The following PPIE variants were observed in gnomAD, a reference collection of about 807,000 sequenced individuals.
PPIE encodes the protein peptidyl-prolyl cis-trans isomerase E.
A neutral mutation model predicts 38.4 loss-of-function variants in PPIE; 20 were observed. That is an observed-to-expected ratio of 0.52 (90% CI 0.37 to 0.76). PPIE has a LOEUF of 0.76. PPIE is among the 30% of genes least tolerant of loss of function. PPIE has a pLI of 0.00. For synonymous variants in PPIE, 142 were observed against 135.7 expected (o/e 1.05, Z -0.32); for missense variants, 322 against 385.8 (o/e 0.83, Z 1.39).
rs997090819 is a variant in PPIE, at chr1:39,740,276, C to T, written c.130+13C>T. 6.3e-7 allele frequency: 1 copy of T among 1,594,282 alleles called. No homozygotes were observed. The highest frequency in any genetic ancestry group is 1.1e-5 in the South Asian group (1 of 89,738). On this transcript the variant is annotated intron_variant, in intron 2 of 9. Coordinates refer to ENST00000324379, the MANE Select transcript of PPIE (RefSeq NM_006112.4). ...GATTATGAAACAGGTGAGTTAGTGT[C>T]TCTCACGTTCAGAATCCTCTTACTA...
chr1:39,755,315 T>C lies in PPIE; in HGVS notation c.*1960T>C. The C allele has an allele frequency of 2.0e-6, 2 of 985,434 alleles. No individual in the cohort carries two copies. Among genetic ancestry groups the C allele is most frequent in the Non-Finnish European group, 2.4e-6 (2 of 829,916 alleles). The allele number at this position is 985,434 out of a possible 1,614,324, so 61.0% of individuals were successfully genotyped here. A position where few individuals can be genotyped will look rare whatever the true frequency, so the allele number is the denominator to read the frequency against. On this transcript the variant is annotated 3_prime_UTR_variant, in exon 10 of 10. Transcript: ENST00000324379. The stretch of plus-strand genomic sequence containing the variant: ...AGAGGCTAGGTGGTCCTCATGACCC[T>C]AGGATAGCTCTTGCTGAGGGATGGT...
Position 39,745,407 on chromosome 1 carries a change from T to G in PPIE, c.417T>G (p.Asn139Lys). The change falls in exon 7 of 10, where the codon AAT (asparagine) becomes AAG (lysine). Residue 139 changes from asparagine to lysine, a missense_variant. By Grantham distance (94) the Asn-to-Lys change is moderately conservative (BLOSUM62 0). Transcript: ENST00000324379. ...CCATTGCTAAAAAGGCCCGCTCAAA[T>G]CCTCAGGTGTACATGGACATCAAGA... ...GEPIAKKARS[N>K]PQVYMDIKIG... The G allele has an allele frequency of 1.9e-6, 3 of 1,614,170 alleles. No homozygotes were observed. Among genetic ancestry groups the G allele is most frequent in the Non-Finnish European group, 2.5e-6 (3 of 1,180,030 alleles).
rs148685466 is a variant in PPIE at position 39,741,663 on chromosome 1, A to G, written c.175-232A>G. The G allele has an allele frequency of 4.1e-4, 258 of 625,520 alleles. 2 individuals are homozygous for G. The Middle Eastern group carries it at 9.6e-3, about 23-fold the overall frequency. The allele number at this position is 625,520 out of a possible 1,614,324, so 38.7% of individuals were successfully genotyped here. ...GCTCATGCACCCCTGTTCATTGAGC[A>G]TTCTTGCCTGGAAGTAGTGATTATT... On this transcript the variant is annotated intron_variant, in intron 3 of 9. Coordinates refer to ENST00000324379, the MANE Select transcript of PPIE (RefSeq NM_006112.4).
At chr1:39,750,220 A>T (rs369296433) in intron 8 of PPIE, among the ~76,000 whole-genome samples, 11 of 152,070 alleles carry the variant, frequency 7.2e-5, no homozygotes, top group Admixed American at 4.6e-4. Flanking sequence ...TTTTTTCAAG[A>T]AGTAAAAGCA....
chr1:39,742,095 A>G, intron 4 of PPIE, 174 bp downstream of exon 4: 1 of 638,634 alleles, frequency 1.6e-6, no homozygotes, highest in Non-Finnish European at 2.7e-6. Flanking sequence ...GTTCTTACTC[A>G]GACTCCTTCG....
At chr1:39,762,966 T>C (rs2124426928) in intron 9 of PPIE, 1 of 1,205,944 alleles carries the variant, frequency 8.3e-7, no homozygotes, top group East Asian at 2.4e-5. Context: ...CGTTACTGAC[T>C]GTGCAGACAA....
In PPIE at chr1:39,750,939, A is replaced by G. The variant is rs533168189; in HGVS notation, c.694+1851A>G. Among the ~76,000 whole-genome samples the G allele has an allele frequency of 2.0e-3, 300 of 152,364 alleles. 11 individuals carry two copies. The South Asian group carries it at 0.058, about 29-fold the overall frequency. On this transcript the variant is annotated intron_variant, in intron 8 of 9. Coordinates refer to ENST00000324379, the MANE Select transcript of PPIE (RefSeq NM_006112.4). ...AAAATCAGTATTCATCTGTAACTAT[A>G]ATAGGGAAGAACATCAGAGGAAATA...
At position 39,754,968 on chromosome 1, in the gene PPIE, G is replaced by T; in HGVS notation, c.*1613G>T. 1 of 977,432 alleles carries T rather than the reference G, an allele frequency of 1.0e-6. No individual in the cohort carries two copies. Among genetic ancestry groups the T allele is most frequent in the Non-Finnish European group, 1.2e-6 (1 of 822,732 alleles). 60.5% of individuals were successfully genotyped at this position (977,432 alleles called of 1,614,324 possible). On this transcript the variant is annotated 3_prime_UTR_variant, in exon 10 of 10. Transcript: ENST00000324379. Reference sequence around the variant, plus strand: ...CAAAATAGACCATCACAGTCCCAAGGCCTAAAATACTTACTATCTGAGCCT... The same window carrying T: ...CAAAATAGACCATCACAGTCCCAAGTCCTAAAATACTTACTATCTGAGCCT...
chr1:39,761,961 G>A (rs563078350), intron 9 of PPIE, among the ~76,000 whole-genome samples: 18 of 152,372 alleles, frequency 1.2e-4, no homozygotes, highest in Admixed American at 1.2e-3. Context: ...CAAGGGCAGA[G>A]GAGATGGAGT....
chr1:39,752,476 TAC>T (rs758276929), intron 8 of PPIE, among the ~76,000 whole-genome samples: 9 of 152,130 alleles, frequency 5.9e-5, no homozygotes, highest in Non-Finnish European at 8.8e-5. Context: ...CATGTACACA[TAC>T]ACACACAGAC....
At chr1:39,750,389 C>T (rs1402968217) in intron 8 of PPIE, among the ~76,000 whole-genome samples, 1 of 152,158 alleles carries the variant, frequency 6.6e-6, no homozygotes, top group African/African-American at 2.4e-5. Context: ...CAGATGTTAT[C>T]CCACCTCCCA....
At chr1:39,739,996 G>A (rs1395196537) in intron 1 of PPIE, 169 bp from the exon 2 acceptor site, 9 of 573,918 alleles carry the variant, frequency 1.6e-5, no homozygotes, top group African/African-American at 1.3e-4. Context: ...GGCGAAGAGA[G>A]GAATATTTTT....
chr1:39,744,442 G>T (rs1469260919), intron 6 of PPIE, among the ~76,000 whole-genome samples: 2 of 152,112 alleles, frequency 1.3e-5, no homozygotes, highest in Non-Finnish European at 2.9e-5. Context: ...TTGCTTCCTG[G>T]GCGTCCCCTC....
At chr1:39,749,636 A>G (rs1647500372) in intron 8 of PPIE, among the ~76,000 whole-genome samples, 1 of 151,254 alleles carries the variant, frequency 6.6e-6, no homozygotes. Context: ...GCATCTCTCC[A>G]CTCGTGCATG....
intron 1 of PPIE, 97 bp from the exon 2 acceptor site, chr1:39,740,068 A>C: frequency 1.2e-6 from 1 of 830,898 alleles, no homozygotes; most frequent in Non-Finnish European, 2.0e-6. Flanking sequence ...ACTGAATGGA[A>C]GGGTCCTGTC....
downstream of PPIE, chr1:39,760,360 C>T: frequency 1.2e-6 from 2 of 1,603,492 alleles, no homozygotes; most frequent in Non-Finnish European, 1.7e-6. Context: ...GGGTTTCCTG[C>T]TTCTGAGGGG....
At position 39,745,496 on chromosome 1, in the gene PPIE, C is replaced by T; in HGVS notation, c.506C>T (p.Ala169Val). ...LLRSDVVPMT[A>V]ENFRCLCTHE... is the part of the protein sequence containing the mutation. ...CGTTCTGATGTCGTGCCCATGACAG[C>T]AGGTGAGCAGGACGCTGTGGTCAGA... The change falls in exon 7 of 10, where the codon GCA becomes GTA. Residue 169 changes from alanine (A) to valine (V), a missense_variant and splice_region_variant. Physicochemically the swap from Ala to Val is moderately conservative, Grantham distance 64. Transcript: ENST00000324379. 6.2e-7 allele frequency: 1 copy of T among 1,614,220 alleles called. No individual in the cohort carries two copies. The highest frequency in any genetic ancestry group is 1.1e-5 in the South Asian group (1 of 91,074).
In PPIE at chr1:39,756,671, G is replaced by A. The variant is rs1005474458; in HGVS notation, c.*3316G>A. On this transcript the variant is annotated 3_prime_UTR_variant, in exon 10 of 10. Coordinates refer to ENST00000324379, the MANE Select transcript of PPIE (RefSeq NM_006112.4). ...ATCACAAAGAAACATATATAGTACA[G>A]TGTGATCCCAATTTTGTAAAAATAT... The A allele has an allele frequency of 1.1e-6, 1 of 920,806 alleles. No individual in the cohort carries two copies. The highest frequency in any genetic ancestry group is 1.3e-6 in the Non-Finnish European group (1 of 771,202). The allele number at this position is 920,806 out of a possible 1,614,324, so 57.0% of individuals were successfully genotyped here. A position where few individuals can be genotyped will look rare whatever the true frequency, so the allele number is the denominator to read the frequency against.
At chr1:39,746,654 T>C (rs1287066858) in intron 7 of PPIE, 1 of 152,260 alleles carries the variant, frequency 6.6e-6, no homozygotes, top group African/African-American at 2.4e-5. Flanking sequence ...TCAGCCAAAC[T>C]TACTGTCTCC....
Sources: allele counts gnomAD v4.1 joint callset (sites outside exome capture counted in the v4.1 genomes callset), GRCh38; gene constraint gnomAD v4.1.1; transcripts MANE v1.5; gene names NCBI Gene and HGNC (gene_info 2026-07-23, HGNC 2026-07-21).